Variants in CBLB observed in about 807,000 individuals in gnomAD.
CBLB encodes Cbl proto-oncogene B.
Under a neutral mutation model 104.9 loss-of-function variants are expected in CBLB, and 31 were observed. That is an observed-to-expected ratio of 0.30 (90% CI 0.22 to 0.40). The LOEUF is 0.40. Among genes scored for constraint, CBLB ranks in the 10% least tolerant of loss-of-function variants. The pLI, the probability that CBLB is intolerant of heterozygous loss-of-function variation, is 1.00. For synonymous variants in CBLB, 440 were observed against 422.6 expected, an observed-to-expected ratio of 1.04 and a Z score of -0.51; for missense variants, 1,062 against 1,214.6, an observed-to-expected ratio of 0.87 and a Z score of 1.87.
At chr3:105,717,686 A>C (rs966907331) in intron 10 of CBLB, among the ~76,000 whole-genome samples, 1 of 152,176 alleles carries the variant, frequency 6.6e-6, no homozygotes, top group African/African-American at 2.4e-5. Flanking sequence ...GTATTTGTAC[A>C]TTGTAGAGCC....
intron 17 of CBLB, among the ~76,000 whole-genome samples, chr3:105,677,469 C>A (rs547356740): frequency 2.0e-5 from 3 of 151,526 alleles, no homozygotes; most frequent in Non-Finnish European, 4.4e-5. Flanking sequence ...GAGGCATATA[C>A]GTAGCTAAAG....
chr3:105,706,236 A>C (rs1220561175), intron 10 of CBLB, among the ~76,000 whole-genome samples: 1 of 152,222 alleles, frequency 6.6e-6, no homozygotes, highest in African/African-American at 2.4e-5. Context: ...TAAACTGCAA[A>C]GTCTTTGTCT....
At chr3:105,826,291 A>T (rs2086572405) in intron 3 of CBLB, among the ~76,000 whole-genome samples, 1 of 152,218 alleles carries the variant, frequency 6.6e-6, no homozygotes, top group South Asian at 2.1e-4. Context: ...ATTCATAAAG[A>T]AGTAATAAAA....
intron 3 of CBLB, among the ~76,000 whole-genome samples, chr3:105,816,564 C>A (rs1001004965): frequency 5.3e-5 from 8 of 151,988 alleles, no homozygotes; most frequent in Non-Finnish European, 1.2e-4. Flanking sequence ...TAAAAGCACT[C>A]CAGAAAGTAG....
intron 3 of CBLB, among the ~76,000 whole-genome samples, chr3:105,837,707 G>T (rs900884789): frequency 2.6e-5 from 4 of 152,122 alleles, no homozygotes; most frequent in African/African-American, 9.7e-5. Flanking sequence ...GTTAAGAGTT[G>T]CTTTGAAATA....
intron 4 of CBLB, among the ~76,000 whole-genome samples, chr3:105,768,166 T>C (rs2152947014): frequency 6.6e-6 from 1 of 152,280 alleles, no homozygotes; most frequent in Admixed American, 6.5e-5. Flanking sequence ...GACAAATACT[T>C]GTAATAAAAC....
intron 3 of CBLB, among the ~76,000 whole-genome samples, chr3:105,830,136 G>A (rs982470685): frequency 6.6e-6 from 1 of 152,100 alleles, no homozygotes; most frequent in African/African-American, 2.4e-5. Context: ...GTAATGCATT[G>A]CTGCCAACAT....
At chr3:105,748,149 A>T (rs1000039636) in intron 5 of CBLB, among the ~76,000 whole-genome samples, 3 of 152,128 alleles carry the variant, frequency 2.0e-5, no homozygotes, top group Non-Finnish European at 4.4e-5. Context: ...GATTGAAGAA[A>T]TTTTTTTGTG....
intron 3 of CBLB, among the ~76,000 whole-genome samples, chr3:105,782,573 CTTTTCTTTTTTTT>C (rs1358319413): frequency 9.6e-5 from 13 of 134,810 alleles, no homozygotes; most frequent in South Asian, 2.3e-4. Context: ...GTATTCTTTT[CTTTTCTTTTTTTT>C]TTTTTTTTTT....
chr3:105,769,409 A>G (rs1577036419), intron 4 of CBLB, among the ~76,000 whole-genome samples: 1 of 152,232 alleles, frequency 6.6e-6, no homozygotes, highest in Non-Finnish European at 1.5e-5. Context: ...CTGCTTCCAA[A>G]TAAACTTTCC....
intron 10 of CBLB, among the ~76,000 whole-genome samples, chr3:105,716,200 A>T (rs1314166227): frequency 6.6e-6 from 1 of 152,226 alleles, no homozygotes; most frequent in Non-Finnish European, 1.5e-5. Context: ...TTTGTTTATA[A>T]CCACTCCTAT....
Position 105,729,228 on chromosome 3 carries a change from A to T in CBLB, c.1203+4781T>A, listed in dbSNP as rs146661178. Among the ~76,000 whole-genome samples the T allele has an allele frequency of 3.9e-3, 590 of 152,286 alleles. 3 individuals carry two copies. Among genetic ancestry groups the T allele is most frequent in the Admixed American group, 6.3e-3 (97 of 15,296 alleles). ...AACAGGATACTCATTTTAAGTAATT[A>T]TTAACACCATGCCCCTTAATAGAAA... On this transcript the variant is annotated intron_variant, in intron 9 of 18. Coordinates refer to ENST00000394030, the MANE Select transcript of CBLB (RefSeq NM_170662.5).
rs74943899 is a variant in CBLB, at chr3:105,721,806, A to C, written c.1204-1556T>G. ...AACACAGGAGTAAATATTTAAGAAA[A>C]GCAAAATCTTTCTCCTATAAAAAGA... On this transcript the variant is annotated intron_variant, in intron 9 of 18. Transcript: ENST00000394030. 6.0e-3 allele frequency among the ~76,000 whole-genome samples: 917 copies of C among 152,238 alleles called. 27 individuals are homozygous for C. Among genetic ancestry groups the C allele is most frequent in the East Asian group, 0.05 (260 of 5,166 alleles).
At chr3:105,776,696 TAA>T (rs2079517795) in intron 3 of CBLB, among the ~76,000 whole-genome samples, 154 bp from the exon 4 acceptor site, 1 of 152,002 alleles carries the variant, frequency 6.6e-6, no homozygotes, top group Non-Finnish European at 1.5e-5. Flanking sequence ...ATGCTGCCCT[TAA>T]AAAAAGTTTA....
intron 6 of CBLB, among the ~76,000 whole-genome samples, chr3:105,741,095 GTTTTTTTTTTTT>G (rs66493673): frequency 9.2e-6 from 1 of 108,200 alleles, no homozygotes; most frequent in African/African-American, 3.5e-5. Flanking sequence ...AAAAATTAGG[GTTTTTTTTTTTT>G]TTTTTTTTTT....
At chr3:105,733,174 G>A (rs972348481) in intron 9 of CBLB, among the ~76,000 whole-genome samples, 15 of 152,012 alleles carry the variant, frequency 9.9e-5, no homozygotes, top group African/African-American at 3.6e-4. Flanking sequence ...TGGCTAACAT[G>A]GTGAAACCCC....
intron 9 of CBLB, among the ~76,000 whole-genome samples, chr3:105,731,454 T>A (rs1162731942): frequency 1.3e-5 from 2 of 152,196 alleles, no homozygotes; most frequent in Non-Finnish European, 2.9e-5. Flanking sequence ...TCCAAGAATG[T>A]ACTGACAATG....
chr3:105,824,240 T>A (rs2086263379), intron 3 of CBLB: 2 of 152,142 alleles, frequency 1.3e-5, no homozygotes, highest in South Asian at 4.1e-4. Context: ...TAGGGTGGGG[T>A]CCTGATAAGA....
At chr3:105,833,663 T>C (rs1233324326) in intron 3 of CBLB, among the ~76,000 whole-genome samples, 1 of 152,020 alleles carries the variant, frequency 6.6e-6, no homozygotes, top group Non-Finnish European at 1.5e-5. Flanking sequence ...CTTGGGTATA[T>C]TCCTTATAAT....
Sources: allele counts gnomAD v4.1 joint callset (sites outside exome capture counted in the v4.1 genomes callset), GRCh38; gene constraint gnomAD v4.1.1; transcripts MANE v1.5; gene names NCBI Gene and HGNC (gene_info 2026-07-23, HGNC 2026-07-21).